The following AAK1 variants were observed in gnomAD, a reference collection of about 807,000 sequenced individuals.
AAK1 encodes the protein AP2-associated protein kinase 1.
In AAK1, 37 loss-of-function variants were observed where a neutral mutation model predicts 116.0. That is an observed-to-expected ratio of 0.32 (90% CI 0.25 to 0.42). The LOEUF (loss-of-function observed/expected upper bound fraction) is 0.42, where lower values mean the gene tolerates loss of function less well. Among genes scored for constraint, AAK1 ranks in the 10% least tolerant of loss-of-function variants. The pLI is 1.00. For synonymous variants in AAK1, 458 were observed against 439.9 expected, an observed-to-expected ratio of 1.04 and a Z score of -0.51; for missense variants, 919 against 1,170.6, an observed-to-expected ratio of 0.79 and a Z score of 3.14.
intron 5 of AAK1, among the ~76,000 whole-genome samples, chr2:69,540,294 T>C (rs960670167): frequency 1.3e-5 from 2 of 152,124 alleles, no homozygotes; most frequent in African/African-American, 4.8e-5. Context: ...GCTAATTTTT[T>C]GTATTTAGTA....
In AAK1 at chr2:69,466,898, C is replaced by A; in HGVS notation, c.*8971G>T. 1.0e-6 allele frequency: 1 copy of A among 985,364 alleles called. No homozygotes were observed. Among genetic ancestry groups the A allele is most frequent in the African/African-American group, 1.7e-5 (1 of 57,336 alleles). 61.0% of individuals were successfully genotyped at this position (985,364 alleles called of 1,614,324 possible). On this transcript the variant is annotated 3_prime_UTR_variant, in exon 22 of 22. Transcript: ENST00000409085. ...GGCTCATTATGGAATGAAAACAAACCCAGTCATTCATCTCCACATATACCA... is the reference window on the plus strand; with the variant it reads ...GGCTCATTATGGAATGAAAACAAACACAGTCATTCATCTCCACATATACCA...
chr2:69,461,498 C>T lies in AAK1; in HGVS notation c.*14371G>A. The T allele has an allele frequency of 4.8e-6, 1 of 207,430 alleles. No individual in the cohort carries two copies. Among genetic ancestry groups the T allele is most frequent in the Non-Finnish European group, 9.3e-6 (1 of 107,378 alleles). The allele number at this position is 207,430 out of a possible 1,614,324, so 12.8% of individuals were successfully genotyped here. ...CAAGTCAAAGTTTTTTCATGCATCA[C>T]CAAAAAAAAAAAAAAAAGTAATTTG... On this transcript the variant is annotated 3_prime_UTR_variant, in exon 22 of 22. Coordinates refer to ENST00000409085, the MANE Select transcript of AAK1 (RefSeq NM_014911.5).
At chr2:69,485,764 G>A (rs1453955329) in intron 17 of AAK1, among the ~76,000 whole-genome samples, 3 of 151,012 alleles carry the variant, frequency 2.0e-5, no homozygotes, top group Non-Finnish European at 2.9e-5. Context: ...ATGTTCAAGC[G>A]ATTCTCCTGC....
At position 69,473,501 on chromosome 2, in the gene AAK1, G is replaced by A; in HGVS notation, c.*2368C>T. Reference sequence around the variant, plus strand: ...CTAAATAAGCCCAAGACAATTTCTTGTCATTATCTCCCTTAGGCTTCTACT... The same window carrying A: ...CTAAATAAGCCCAAGACAATTTCTTATCATTATCTCCCTTAGGCTTCTACT... On this transcript the variant is annotated 3_prime_UTR_variant, in exon 22 of 22. Coordinates refer to ENST00000409085, the MANE Select transcript of AAK1 (RefSeq NM_014911.5). 1.0e-6 allele frequency: 1 copy of A among 985,334 alleles called. No homozygotes were observed. The highest frequency in any genetic ancestry group is 1.2e-6 in the Non-Finnish European group (1 of 829,922). The allele number at this position is 985,334 out of a possible 1,614,324, so 61.0% of individuals were successfully genotyped here.
At chr2:69,486,552 T>C (rs1675309697) in intron 17 of AAK1, among the ~76,000 whole-genome samples, 1 of 151,974 alleles carries the variant, frequency 6.6e-6, no homozygotes. Flanking sequence ...CTATGTAAGG[T>C]GGACAGCTGT....
chr2:69,594,969 A>G (rs568413377), intron 2 of AAK1: 115 of 833,910 alleles, frequency 1.4e-4, no homozygotes, highest in Admixed American at 7.2e-4. Flanking sequence ...CATACAGAGA[A>G]TCCTTGCCCT....
At chr2:69,630,719 T>C (rs2105257615) in intron 2 of AAK1, among the ~76,000 whole-genome samples, 1 of 152,302 alleles carries the variant, frequency 6.6e-6, no homozygotes, top group African/African-American at 2.4e-5. Flanking sequence ...TCACACACAG[T>C]ACTAACCTTG....
At chr2:69,556,823 C>T (rs1211480266) in intron 3 of AAK1, 37 bp downstream of exon 3, 1 of 1,514,006 alleles carries the variant, frequency 6.6e-7, no homozygotes, top group African/African-American at 1.4e-5. Flanking sequence ...TCTCTGCCTC[C>T]ATTTTAAACA....
chr2:69,561,071 A>G (rs1193391875), intron 2 of AAK1, among the ~76,000 whole-genome samples: 3 of 152,210 alleles, frequency 2.0e-5, no homozygotes, highest in Admixed American at 1.3e-4. Flanking sequence ...AAATCTCCAC[A>G]TTTAAACACT....
chr2:69,584,945 C>T (rs1428574587), intron 2 of AAK1, among the ~76,000 whole-genome samples: 2 of 152,208 alleles, frequency 1.3e-5, no homozygotes, highest in Non-Finnish European at 2.9e-5. Context: ...CACTGCCTTT[C>T]TTACCAATCT....
intron 2 of AAK1, among the ~76,000 whole-genome samples, chr2:69,642,237 G>A (rs186124533): frequency 1.6e-3 from 247 of 152,098 alleles, no homozygotes; most frequent in Non-Finnish European, 2.8e-3. Flanking sequence ...AACCTAAAGC[G>A]AGAAGGAAGA....
chr2:69,639,584 A>G (rs1675610490), intron 2 of AAK1, among the ~76,000 whole-genome samples: 1 of 152,132 alleles, frequency 6.6e-6, no homozygotes, highest in African/African-American at 2.4e-5. Flanking sequence ...TGGCAGTGCG[A>G]CATCTTTTTG....
intron 17 of AAK1, among the ~76,000 whole-genome samples, chr2:69,488,130 CTAAACGTGTGTGTG>C (rs1157029027): frequency 7.0e-6 from 1 of 143,226 alleles, no homozygotes; most frequent in Non-Finnish European, 1.5e-5. Flanking sequence ...ACTCCAGACT[CTAAACGTGTGTGTG>C]TGGACGTGTG....
intron 5 of AAK1, among the ~76,000 whole-genome samples, chr2:69,537,592 A>T (rs1198619031): frequency 2.0e-5 from 3 of 152,240 alleles, no homozygotes; most frequent in Non-Finnish European, 4.4e-5. Flanking sequence ...TCTGGAAAAC[A>T]GGAAAATAGA....
intron 2 of AAK1, among the ~76,000 whole-genome samples, chr2:69,633,058 A>T (rs1025286319): frequency 2.6e-5 from 4 of 151,440 alleles, no homozygotes; most frequent in African/African-American, 4.8e-5. Flanking sequence ...TAAAAATAAA[A>T]AAATTAAAAA....
intron 17 of AAK1, among the ~76,000 whole-genome samples, chr2:69,485,553 G>A (rs964180071): frequency 2.0e-5 from 3 of 152,094 alleles, no homozygotes; most frequent in Non-Finnish European, 2.9e-5. Context: ...AGGGTCTTAC[G>A]AACCTTTGTA....
In AAK1 at chr2:69,465,961, C is replaced by G. The variant is rs1247766174; in HGVS notation, c.*9908G>C. 1.5e-6 allele frequency: 2 copies of G among 1,290,864 alleles called. No individual in the cohort carries two copies. Among genetic ancestry groups the G allele is most frequent in the Non-Finnish European group, 2.0e-6 (2 of 988,878 alleles). 80.0% of individuals were successfully genotyped at this position (1,290,864 alleles called of 1,614,324 possible). A position where few individuals can be genotyped will look rare whatever the true frequency, so the allele number is the denominator to read the frequency against. On this transcript the variant is annotated 3_prime_UTR_variant, in exon 22 of 22. Coordinates refer to ENST00000409085, the MANE Select transcript of AAK1 (RefSeq NM_014911.5). ...GAGGTGCATTGGATAACTGTTAACTCCTCCATGCTTTTCTTCTTAGTGAAA... is the reference window on the plus strand; with the variant it reads ...GAGGTGCATTGGATAACTGTTAACTGCTCCATGCTTTTCTTCTTAGTGAAA...
intron 10 of AAK1, among the ~76,000 whole-genome samples, chr2:69,524,149 G>A (rs1159073644): frequency 2.0e-5 from 3 of 152,224 alleles, no homozygotes; most frequent in Non-Finnish European, 4.4e-5. Context: ...TTCCTAATGT[G>A]GTTGGAGCCA....
At chr2:69,485,645 T>G (rs569715178) in intron 17 of AAK1, among the ~76,000 whole-genome samples, 1 of 151,902 alleles carries the variant, frequency 6.6e-6, no homozygotes, top group African/African-American at 2.4e-5. Flanking sequence ...GAACAGGAAT[T>G]GAAGAAAATC....
Sources: allele counts gnomAD v4.1 joint callset (sites outside exome capture counted in the v4.1 genomes callset), GRCh38; gene constraint gnomAD v4.1.1; transcripts MANE v1.5; gene names NCBI Gene and HGNC (gene_info 2026-07-23, HGNC 2026-07-21).